TSPAN15: variants seen among roughly 807,000 people sequenced by gnomAD.
TSPAN15 encodes tetraspanin 15.
A neutral mutation model predicts 34.5 loss-of-function variants in TSPAN15; 20 were observed. The ratio of observed to expected loss-of-function variants is 0.58; its 90% confidence interval spans 0.41 to 0.84. The LOEUF is 0.84. Ranked by LOEUF, TSPAN15 falls within the 40% of genes least tolerant of loss-of-function variation. The probability of loss-of-function intolerance (pLI) is 0.00; values close to 1 mark genes in which losing one functional copy is unlikely to be tolerated. For synonymous variants in TSPAN15, 155 were observed against 153.9 expected (o/e 1.01, Z -0.05); for missense variants, 313 against 386.1 (o/e 0.81, Z 1.59).
intron 3 of TSPAN15, among the ~76,000 whole-genome samples, chr10:69,490,674 T>C (rs1032670539): frequency 1.3e-5 from 2 of 152,214 alleles, no homozygotes; most frequent in Admixed American, 6.5e-5. Flanking sequence ...TGAGCCATGA[T>C]CGTGCTACTG....
intron 3 of TSPAN15, among the ~76,000 whole-genome samples, chr10:69,487,903 C>T (rs1442284315): frequency 1.3e-5 from 2 of 152,218 alleles, no homozygotes; most frequent in African/African-American, 2.4e-5. Flanking sequence ...GTGGTGTCCC[C>T]TCATGGGTAG....
At chr10:69,454,939 C>T (rs1333635390) in intron 1 of TSPAN15, among the ~76,000 whole-genome samples, 1 of 151,882 alleles carries the variant, frequency 6.6e-6, no homozygotes, top group Admixed American at 6.6e-5. Flanking sequence ...CTGAGGCGGG[C>T]GGATCGTGAG....
In TSPAN15 at chr10:69,506,263, GAAA is replaced by G; in HGVS notation, c.735+24_735+26del. On this transcript the variant is annotated intron_variant, in intron 7 of 7. Coordinates refer to ENST00000373290, the MANE Select transcript of TSPAN15 (RefSeq NM_012339.5). The surrounding 1 kb of genome is among the most constrained non-coding windows in gnomAD (Gnocchi z 4.7). ...CAGGTGGGCAGGCCGTGGGTTCAGA[GAAA>G]GTGTGACTTGGTGATTGCAGAAGGG... is the stretch of plus-strand genomic sequence containing the variant. 1 of 1,608,688 alleles carries G rather than the reference GAAA, an allele frequency of 6.2e-7. No homozygotes were observed. Among genetic ancestry groups the G allele is most frequent in the Non-Finnish European group, 8.5e-7 (1 of 1,175,126 alleles).
rs913464172 is a variant in TSPAN15 at position 69,507,314 on chromosome 10, G to A, written c.*336G>A. The A allele has an allele frequency of 2.6e-5, 32 of 1,246,418 alleles. No individual in the cohort carries two copies. The highest frequency in any genetic ancestry group is 1.1e-4 in the South Asian group (7 of 63,592). 77.2% of individuals were successfully genotyped at this position (1,246,418 alleles called of 1,614,324 possible). A position where few individuals can be genotyped will look rare whatever the true frequency, so the allele number is the denominator to read the frequency against. On this transcript the variant is annotated 3_prime_UTR_variant, in exon 8 of 8. Coordinates refer to ENST00000373290, the MANE Select transcript of TSPAN15 (RefSeq NM_012339.5). ...ATTTCATCTCTGGCAGTGCCTTGGC[G>A]GTGGTATTCAAGGCAGTTTTGTAGC...
chr10:69,489,740 C>T (rs769320674), intron 3 of TSPAN15, among the ~76,000 whole-genome samples: 29 of 152,232 alleles, frequency 1.9e-4, no homozygotes, highest in Non-Finnish European at 2.6e-4. Flanking sequence ...GCCTGACAGT[C>T]GGACTGGTGC....
the TSPAN15 span, among the ~76,000 whole-genome samples, chr10:69,539,496 GAAGAAGAAGAA>G: frequency 2.7e-5 from 2 of 73,106 alleles, no homozygotes; most frequent in African/African-American, 1.1e-4. Flanking sequence ...AGAAGAAGAA[GAAGAAGAAGAA>G]GAAGAAGAAG....
the TSPAN15 span, among the ~76,000 whole-genome samples, chr10:69,539,421 A>AGAG: frequency 3.4e-5 from 4 of 117,292 alleles, no homozygotes; most frequent in Admixed American, 8.7e-5. Context: ...AAGAGGAAGA[A>AGAG]GAAGAAAGAA....
intron 1 of TSPAN15, among the ~76,000 whole-genome samples, chr10:69,461,832 A>T (rs1027014108): frequency 6.6e-6 from 1 of 151,756 alleles, no homozygotes; most frequent in African/African-American, 2.4e-5. Context: ...AAAGACAGGA[A>T]CTTCTTGGCC....
chr10:69,460,128 G>T (rs1446769220), intron 1 of TSPAN15, among the ~76,000 whole-genome samples: 2 of 152,038 alleles, frequency 1.3e-5, no homozygotes, highest in Non-Finnish European at 1.5e-5. Context: ...TACTCAGCCT[G>T]CCTAGAACAG....
chr10:69,523,697 T>C, the TSPAN15 span: 1 of 186,934 alleles, frequency 5.3e-6, no homozygotes, highest in Non-Finnish European at 1.1e-5. Flanking sequence ...CTTGACACCC[T>C]TTTGGAAACT....
chr10:69,537,878 A>G, the TSPAN15 span, among the ~76,000 whole-genome samples: 1 of 152,212 alleles, frequency 6.6e-6, no homozygotes, highest in African/African-American at 2.4e-5. Flanking sequence ...TCAGGCTGCT[A>G]TAACAAAATA....
chr10:69,546,071 C>T, the TSPAN15 span, among the ~76,000 whole-genome samples: 2 of 152,192 alleles, frequency 1.3e-5, no homozygotes, highest in African/African-American at 4.8e-5. Context: ...TTGCTATCTA[C>T]CCATTCCTAG....
chr10:69,452,036 T>C (rs1840983110), intron 1 of TSPAN15, among the ~76,000 whole-genome samples: 1 of 152,268 alleles, frequency 6.6e-6, no homozygotes, highest in Non-Finnish European at 1.5e-5. Flanking sequence ...TAGGACTGAC[T>C]GCCTCTGCAT....
At chr10:69,454,125 C>G (rs1006908530) in intron 1 of TSPAN15, among the ~76,000 whole-genome samples, 1 of 152,212 alleles carries the variant, frequency 6.6e-6, no homozygotes, top group Non-Finnish European at 1.5e-5. Context: ...CTTTGTAAGT[C>G]CAAACTGCTA....
At chr10:69,459,122 AAAAC>A (rs774390426) in intron 1 of TSPAN15, among the ~76,000 whole-genome samples, 80 of 57,122 alleles carry the variant, frequency 1.4e-3, no homozygotes, top group Non-Finnish European at 2.4e-3. Context: ...AAAAAAAAAA[AAAAC>A]AACAACAAAA....
At chr10:69,542,781 T>A in the TSPAN15 span, among the ~76,000 whole-genome samples, 1 of 152,224 alleles carries the variant, frequency 6.6e-6, no homozygotes, top group African/African-American at 2.4e-5. Flanking sequence ...ACTGGGTCCC[T>A]CCTATGTCAT....
intron 2 of TSPAN15, among the ~76,000 whole-genome samples, chr10:69,484,798 C>G (rs1841815286): frequency 6.6e-6 from 1 of 152,178 alleles, no homozygotes; most frequent in South Asian, 2.1e-4. Context: ...TAAGCCAGGC[C>G]TAGCCCCTCT....
At position 69,507,650 on chromosome 10, in the gene TSPAN15, TG is replaced by T. The variant is rs1464356823; in HGVS notation, c.*673del. 470 of 1,125,202 alleles carry T rather than the reference TG, an allele frequency of 4.2e-4. No individual in the cohort carries two copies. The highest frequency in any genetic ancestry group is 1.3e-3 in the South Asian group (84 of 66,458). 69.7% of individuals were successfully genotyped at this position (1,125,202 alleles called of 1,614,324 possible). On this transcript the variant is annotated 3_prime_UTR_variant, in exon 8 of 8. Coordinates refer to ENST00000373290, the MANE Select transcript of TSPAN15 (RefSeq NM_012339.5). ...GTTTGTTAATCAAACAATAAAAACA[TG>T]TTTTTTTTTTTTTTTTTTTTTTGCC...
chr10:69,513,582 T>C, the TSPAN15 span, among the ~76,000 whole-genome samples: 1 of 152,022 alleles, frequency 6.6e-6, no homozygotes, highest in Non-Finnish European at 1.5e-5. Flanking sequence ...CTCCAACTTA[T>C]CAATGTTTTC....
Sources: gnomAD v4.1 joint callset for allele counts (sites outside exome capture counted in the v4.1 genomes callset) on GRCh38, gnomAD v4.1.1 for gene constraint, Gnocchi (gnomAD v3.1) non-coding constraint, MANE v1.5 for transcripts, NCBI Gene and HGNC (gene_info 2026-07-23, HGNC 2026-07-21) for gene names.